Variants in ZNF100 observed in about 807,000 individuals in gnomAD.
ZNF100 encodes zinc finger protein 100.
In ZNF100, 12 loss-of-function variants were observed where a neutral mutation model predicts 15.8. That is an observed-to-expected ratio of 0.76 (90% CI 0.49 to 1.23). ZNF100 has a LOEUF of 1.23. Among genes scored for constraint, ZNF100 ranks in the 50% most tolerant of loss-of-function variants. The probability of loss-of-function intolerance (pLI) is 0.00; values close to 1 mark genes in which losing one functional copy is unlikely to be tolerated. For missense variants in ZNF100, 670 were observed against 635.6 expected, an observed-to-expected ratio of 1.05 and a Z score of -0.58; for synonymous variants, 226 against 214.8, an observed-to-expected ratio of 1.05 and a Z score of -0.45.
intron 2 of ZNF100, among the ~76,000 whole-genome samples, chr19:21,759,798 CACT>C (rs559677742): frequency 6.6e-6 from 1 of 152,284 alleles, no homozygotes; most frequent in Admixed American, 6.5e-5. Flanking sequence ...ATAAATATTC[CACT>C]TCTTGTTTAC....
intron 2 of ZNF100, among the ~76,000 whole-genome samples, chr19:21,757,513 G>T (rs1039577522): frequency 1.3e-5 from 2 of 152,190 alleles, no homozygotes; most frequent in African/African-American, 2.4e-5. Context: ...CTGTTGGTGC[G>T]AGTGTAAATT....
In ZNF100 at chr19:21,751,689, A is replaced by AT; in HGVS notation, c.97-6623dup. ...CATTTTTCGGAGCTTCTTCAGTTTA[A>AT]TATTAATGTTCCTGCTAGTGTTTAT... On this transcript the variant is annotated intron_variant, in intron 2 of 4. Transcript: ENST00000358296. The AT allele has an allele frequency of 9.0e-6, 11 of 1,218,590 alleles. No homozygotes were observed. In the South Asian group the frequency reaches 1.4e-4, roughly 16 times the overall value. The allele number at this position is 1,218,590 out of a possible 1,614,324, so 75.5% of individuals were successfully genotyped here.
rs939488264 is a variant in ZNF100, at chr19:21,725,418, A to G, written c.*1265T>C. 2.0e-5 allele frequency: 3 copies of G among 152,160 alleles called. No individual in the cohort carries two copies. The highest frequency in any genetic ancestry group is 7.2e-5 in the African/African-American group (3 of 41,434). The allele number at this position is 152,160 out of a possible 1,614,324, so 9.4% of individuals were successfully genotyped here. On this transcript the variant is annotated 3_prime_UTR_variant, in exon 5 of 5. Coordinates refer to ENST00000358296, the MANE Select transcript of ZNF100 (RefSeq NM_173531.4). The stretch of plus-strand genomic sequence containing the variant: ...AAGTTTTCTCATAATGCAGAATATT[A>G]CTCTGAATGCCTAACGCACACATTG...
At chr19:21,737,168 G>A (rs1599383629) in intron 4 of ZNF100, among the ~76,000 whole-genome samples, 1 of 151,918 alleles carries the variant, frequency 6.6e-6, no homozygotes, top group Non-Finnish European at 1.5e-5. Flanking sequence ...AAAGAAAAGA[G>A]AGAAGAATGA....
At chr19:21,755,332 A>T (rs1032217948) in intron 2 of ZNF100, among the ~76,000 whole-genome samples, 11 of 152,124 alleles carry the variant, frequency 7.2e-5, no homozygotes, top group African/African-American at 2.4e-4. Context: ...AAAGAAAAAA[A>T]AAAAAGCTCA....
At chr19:21,737,941 A>G (rs1025240443) in intron 4 of ZNF100, among the ~76,000 whole-genome samples, 7 of 152,042 alleles carry the variant, frequency 4.6e-5, no homozygotes, top group African/African-American at 7.2e-5. Context: ...AAAACTTAAA[A>G]CCAATATCCC....
chr19:21,759,190 A>T (rs548516021), intron 2 of ZNF100, among the ~76,000 whole-genome samples: 1 of 152,296 alleles, frequency 6.6e-6, no homozygotes, highest in African/African-American at 2.4e-5. Flanking sequence ...ACCTTCCTCA[A>T]GTTCAATAAT....
At chr19:21,743,734 T>C (rs2036159897) in intron 4 of ZNF100, among the ~76,000 whole-genome samples, 1 of 151,892 alleles carries the variant, frequency 6.6e-6, no homozygotes, top group South Asian at 2.1e-4. Flanking sequence ...TGCAGTCTTT[T>C]ATATGCCTTG....
chr19:21,739,056 C>G lies in ZNF100; in HGVS notation c.322+4961G>C, dbSNP rs371892581. Among the ~76,000 whole-genome samples, 12 of 152,270 alleles carry G rather than the reference C, an allele frequency of 7.9e-5. No individual in the cohort carries two copies. In the East Asian group the frequency reaches 1.5e-3, roughly 20 times the overall value. ...GGTGCCAAGGCATTTATGAGAAATT[C>G]GTCCCCATGACCTAAACACCTCCCT... On this transcript the variant is annotated intron_variant, in intron 4 of 4. Transcript: ENST00000358296.
At chr19:21,758,924 C>A (rs2036435453) in intron 2 of ZNF100, among the ~76,000 whole-genome samples, 1 of 152,110 alleles carries the variant, frequency 6.6e-6, no homozygotes, top group African/African-American at 2.4e-5. Context: ...TCCAAGACAC[C>A]AAGAGTTCCA....
At position 21,767,521 on chromosome 19, in the gene ZNF100, G is replaced by A. The variant is rs1599415567; in HGVS notation, c.-92C>T. 6.3e-7 allele frequency: 1 copy of A among 1,575,018 alleles called. No individual in the cohort carries two copies. The highest frequency in any genetic ancestry group is 1.1e-5 in the South Asian group (1 of 88,352). ...CACACAGGCTAGGCCCCTAGGAGCAGAAGACACAGAGAAGTGAGAGCAAAA... is the reference window on the plus strand; with the variant it reads ...CACACAGGCTAGGCCCCTAGGAGCAAAAGACACAGAGAAGTGAGAGCAAAA... On this transcript the variant is annotated 5_prime_UTR_variant, in exon 1 of 5. Coordinates refer to ENST00000358296, the MANE Select transcript of ZNF100 (RefSeq NM_173531.4).
chr19:21,739,360 A>C (rs1451078880), intron 4 of ZNF100, among the ~76,000 whole-genome samples: 1 of 152,224 alleles, frequency 6.6e-6, no homozygotes, highest in Non-Finnish European at 1.5e-5. Flanking sequence ...GTATAAGACC[A>C]GTGTCAGTAA....
At chr19:21,759,305 AAAG>A (rs536220015) in intron 2 of ZNF100, among the ~76,000 whole-genome samples, 78 of 152,344 alleles carry the variant, frequency 5.1e-4, no homozygotes, top group African/African-American at 1.8e-3. Flanking sequence ...TATAGAACAA[AAAG>A]AAGAGGTGGG....
intron 4 of ZNF100, among the ~76,000 whole-genome samples, chr19:21,741,710 C>T (rs571032451): frequency 2.6e-4 from 40 of 151,976 alleles, no homozygotes; most frequent in African/African-American, 8.9e-4. Flanking sequence ...CAGTCTCACT[C>T]TGTCACCCAA....
chr19:21,750,976 G>A (rs933780528), intron 2 of ZNF100: 4 of 1,055,950 alleles, frequency 3.8e-6, no homozygotes, highest in African/African-American at 3.2e-5. Context: ...TGGCGGTAGC[G>A]CCCGCTTCTG....
intron 4 of ZNF100, among the ~76,000 whole-genome samples, chr19:21,734,673 G>A (rs560533291): frequency 6.6e-6 from 1 of 152,128 alleles, no homozygotes; most frequent in East Asian, 1.9e-4. Flanking sequence ...AACCTAACAA[G>A]ACAGGCCATC....
At chr19:21,763,530 C>T (rs1174981701) in intron 2 of ZNF100, among the ~76,000 whole-genome samples, 1 of 152,102 alleles carries the variant, frequency 6.6e-6, no homozygotes, top group Non-Finnish European at 1.5e-5. Context: ...GCAGAGGTTG[C>T]AGTGAGCCGA....
At chr19:21,752,851 G>A (rs1224337805) in intron 2 of ZNF100, 4 of 152,064 alleles carry the variant, frequency 2.6e-5, no homozygotes, top group African/African-American at 9.7e-5. Flanking sequence ...TTTAAGAGAT[G>A]GGGGTCTTGC....
intron 4 of ZNF100, among the ~76,000 whole-genome samples, chr19:21,731,192 C>T (rs1464055512): frequency 5.3e-5 from 8 of 151,886 alleles, no homozygotes; most frequent in South Asian, 2.1e-4. Flanking sequence ...TAGAATGCCA[C>T]ATCTATAGAA....
Sources: allele counts gnomAD v4.1 joint callset (sites outside exome capture counted in the v4.1 genomes callset), GRCh38; gene constraint gnomAD v4.1.1; transcripts MANE v1.5; gene names NCBI Gene and HGNC (gene_info 2026-07-23, HGNC 2026-07-21).